DLGAP2: variants seen among roughly 807,000 people sequenced by gnomAD.
The protein encoded by DLGAP2 is disks large-associated protein 2.
A neutral mutation model predicts 100.3 loss-of-function variants in DLGAP2; 26 were observed. The observed-to-expected ratio is 0.26, with a 90% CI of 0.19 to 0.36. The LOEUF (loss-of-function observed/expected upper bound fraction) is 0.36, where lower values mean the gene tolerates loss of function less well. Ranked by LOEUF, DLGAP2 falls within the 10% of genes least tolerant of loss-of-function variation. The pLI is 1.00. For synonymous variants in DLGAP2, 886 were observed against 630.1 expected, an observed-to-expected ratio of 1.41 and a Z score of -6.08; for missense variants, 1,858 against 1,453.2, an observed-to-expected ratio of 1.28 and a Z score of -4.53.
intron 1 of DLGAP2, among the ~76,000 whole-genome samples, chr8:846,913 C>T (rs1282492931): frequency 6.6e-6 from 1 of 152,166 alleles, no homozygotes; most frequent in Non-Finnish European, 1.5e-5. Context: ...TTATTCTATC[C>T]ATCTTCAGAC....
At position 795,675 on chromosome 8, in the gene DLGAP2, G is replaced by A. The variant is rs1303184769; in HGVS notation, c.18+57850G>A. On this transcript the variant is annotated intron_variant, in intron 1 of 14. Coordinates refer to ENST00000637795, the MANE Select transcript of DLGAP2 (RefSeq NM_001346810.2). ...CGTCCAGTGAGAGCAGGTGTCCAGTGAGAACAGGCGTCCAGTGAGAGCAGG... is the reference window on the plus strand; with the variant it reads ...CGTCCAGTGAGAGCAGGTGTCCAGTAAGAACAGGCGTCCAGTGAGAGCAGG... Among the ~76,000 whole-genome samples, 5 of 131,856 alleles carry A rather than the reference G, an allele frequency of 3.8e-5. No individual in the cohort carries two copies. The East Asian group carries it at 8.9e-4, about 23-fold the overall frequency. The allele number at this position is 131,856 out of a possible 152,430, so 86.5% of individuals were successfully genotyped here. A position where few individuals can be genotyped will look rare whatever the true frequency, so the allele number is the denominator to read the frequency against.
At chr8:1,469,109 C>T (rs1798710238) in intron 3 of DLGAP2, among the ~76,000 whole-genome samples, 2 of 152,146 alleles carry the variant, frequency 1.3e-5, no homozygotes, top group African/African-American at 4.8e-5. Context: ...TGAAAGAAAT[C>T]CATGCTGGGC....
At chr8:1,417,728 C>T (rs533846628) in intron 3 of DLGAP2, among the ~76,000 whole-genome samples, 1 of 9,750 alleles carries the variant, frequency 1.0e-4, no homozygotes, top group East Asian at 0.019. Flanking sequence ...AGGCTCCAGA[C>T]ACAGAAGCCC....
intron 3 of DLGAP2, among the ~76,000 whole-genome samples, chr8:1,454,544 G>C (rs934223734): frequency 6.6e-6 from 1 of 152,076 alleles, no homozygotes. Context: ...CCTCCTGGGT[G>C]GGTTGAAATC....
chr8:808,987 G>A (rs7006337), intron 1 of DLGAP2, among the ~76,000 whole-genome samples: 149,254 of 150,352 alleles, frequency 0.99, 74,093 homozygotes, highest in Middle Eastern at 1. Flanking sequence ...GCTCACTGCA[G>A]CCTCCACCTC....
intron 2 of DLGAP2, among the ~76,000 whole-genome samples, chr8:971,408 AG>A (rs958941995): frequency 1.4e-4 from 22 of 152,208 alleles, no homozygotes; most frequent in African/African-American, 5.3e-4. Flanking sequence ...TTGAGGTCAC[AG>A]GGCACGTGTT....
intron 1 of DLGAP2, among the ~76,000 whole-genome samples, chr8:856,255 C>A (rs1327756422): frequency 7.1e-6 from 1 of 141,082 alleles, no homozygotes; most frequent in African/African-American, 2.6e-5. Context: ...ATGGTGCAAT[C>A]TCAGCTCGCT....
chr8:1,127,204 C>T (rs954237017), intron 2 of DLGAP2, among the ~76,000 whole-genome samples: 1 of 151,264 alleles, frequency 6.6e-6, no homozygotes, highest in African/African-American at 2.4e-5. Context: ...GTTCCTGGAG[C>T]CGCCTCTTGC....
chr8:1,318,904 C>T (rs1436960610), intron 3 of DLGAP2, among the ~76,000 whole-genome samples: 4 of 151,656 alleles, frequency 2.6e-5, no homozygotes, highest in African/African-American at 7.3e-5. Flanking sequence ...CCAGTGGGTC[C>T]CCATAGATTT....
At chr8:1,388,691 A>G (rs1796276947) in intron 3 of DLGAP2, among the ~76,000 whole-genome samples, 1 of 84,544 alleles carries the variant, frequency 1.2e-5, no homozygotes. Context: ...TTCAGGTGTC[A>G]GGGCTGTAAG....
chr8:1,211,250 C>A (rs754492261), intron 2 of DLGAP2, among the ~76,000 whole-genome samples: 4 of 152,242 alleles, frequency 2.6e-5, no homozygotes, highest in Non-Finnish European at 5.9e-5. Context: ...AATCCACCTT[C>A]CTTGATGGCA....
intron 3 of DLGAP2, among the ~76,000 whole-genome samples, chr8:1,447,128 G>T (rs559458924): frequency 7.9e-5 from 12 of 152,168 alleles, no homozygotes; most frequent in East Asian, 1.9e-4. Context: ...TCCAGCACTA[G>T]GTTGAATAGG....
chr8:1,409,215 C>A (rs1365156371), intron 3 of DLGAP2, among the ~76,000 whole-genome samples: 1 of 151,840 alleles, frequency 6.6e-6, no homozygotes, highest in Admixed American at 6.6e-5. Flanking sequence ...CCAACTCCTT[C>A]CTCACCATAG....
At chr8:1,631,456 GA>G (rs1797643645) in intron 7 of DLGAP2, among the ~76,000 whole-genome samples, 1 of 152,134 alleles carries the variant, frequency 6.6e-6, no homozygotes, top group Admixed American at 6.5e-5. Flanking sequence ...TACATTGGAA[GA>G]AATTTATGGT....
At chr8:1,691,398 G>T in intron 12 of DLGAP2, 137 bp from the exon 13 acceptor site, 1 of 690,390 alleles carries the variant, frequency 1.4e-6, no homozygotes, top group East Asian at 2.7e-5. Flanking sequence ...AGTCACCAGC[G>T]AACACGCTCG....
chr8:1,640,488 G>T (rs371462591), intron 8 of DLGAP2, among the ~76,000 whole-genome samples: 1 of 152,188 alleles, frequency 6.6e-6, no homozygotes, highest in African/African-American at 2.4e-5. Flanking sequence ...GAATCTGAAC[G>T]TCTTCCCAGC....
At chr8:1,124,423 T>C (rs1045045692) in intron 2 of DLGAP2, among the ~76,000 whole-genome samples, 6 of 152,192 alleles carry the variant, frequency 3.9e-5, no homozygotes, top group African/African-American at 1.4e-4. Context: ...CCTCAGACTG[T>C]ATGTTTGAGA....
intron 1 of DLGAP2, among the ~76,000 whole-genome samples, chr8:764,659 C>T (rs983452802): frequency 1.3e-5 from 2 of 152,134 alleles, no homozygotes; most frequent in African/African-American, 4.8e-5. Context: ...TTAGATACAT[C>T]AGTAACCTCT....
intron 1 of DLGAP2, among the ~76,000 whole-genome samples, chr8:796,987 A>T (rs1328337839): frequency 6.6e-6 from 1 of 152,240 alleles, no homozygotes; most frequent in African/African-American, 2.4e-5. Flanking sequence ...GCAAACTTTT[A>T]ACCCTGTTTG....
Sources: gnomAD v4.1 joint callset for allele counts (sites outside exome capture counted in the v4.1 genomes callset) on GRCh38, gnomAD v4.1.1 for gene constraint, MANE v1.5 for transcripts, NCBI Gene and HGNC (gene_info 2026-07-23, HGNC 2026-07-21) for gene names.